Variants in NAALADL2 observed in about 807,000 individuals in gnomAD.
The protein encoded by NAALADL2 is N-acetylated alpha-linked acidic dipeptidase like 2, also known as inactive N-acetylated-alpha-linked acidic dipeptidase-like protein 2.
NAALADL2 carries 76 observed loss-of-function variants against 87.2 expected under a neutral mutation model. The observed-to-expected ratio is 0.87, with a 90% CI of 0.72 to 1.05. The LOEUF is 1.05. Among genes scored for constraint, NAALADL2 ranks in the 50% least tolerant of loss-of-function variants. NAALADL2 has a pLI of 0.00. For synonymous variants in NAALADL2, 354 were observed against 331.0 expected (o/e 1.07, Z -0.75); for missense variants, 1,089 against 945.8 (o/e 1.15, Z -1.99).
chr3:174,496,643 A>G (rs1247783556), intron 1 of NAALADL2, among the ~76,000 whole-genome samples: 1 of 151,818 alleles, frequency 6.6e-6, no homozygotes, highest in East Asian at 1.9e-4. Context: ...GAGTGTTTTA[A>G]AATCTAAAGT....
intron 3 of NAALADL2, among the ~76,000 whole-genome samples, chr3:174,817,690 T>C (rs532639662): frequency 2.8e-4 from 43 of 152,152 alleles, no homozygotes; most frequent in Non-Finnish European, 5.1e-4. Flanking sequence ...AAACAAATGC[T>C]TTCCAAAAGA....
intron 9 of NAALADL2, among the ~76,000 whole-genome samples, chr3:175,480,802 G>A (rs1020762765): frequency 2.0e-5 from 3 of 151,786 alleles, no homozygotes; most frequent in Admixed American, 6.6e-5. Context: ...AGATTCACAA[G>A]GGTGATTGAC....
chr3:175,419,397 TAAAAAATTATTATAGC>T (rs1418301884), intron 5 of NAALADL2, among the ~76,000 whole-genome samples: 2 of 151,878 alleles, frequency 1.3e-5, no homozygotes, highest in Admixed American at 1.3e-4. Flanking sequence ...AAAAATTATA[TAAAAAATTATTATAGC>T]AAAAAATTAT....
intron 4 of NAALADL2, among the ~76,000 whole-genome samples, chr3:175,318,027 A>G (rs1430723581): frequency 6.6e-6 from 1 of 152,150 alleles, no homozygotes; most frequent in Admixed American, 6.5e-5. Flanking sequence ...AAAATTATAA[A>G]GAGTTTAAAA....
At chr3:174,503,731 TTTC>T in intron 1 of NAALADL2, among the ~76,000 whole-genome samples, 1 of 152,154 alleles carries the variant, frequency 6.6e-6, no homozygotes, top group Non-Finnish European at 1.5e-5. Flanking sequence ...TTGGTAGACA[TTTC>T]ACTTGGTTGT....
At chr3:175,495,199 C>T (rs1408802974) in intron 9 of NAALADL2, among the ~76,000 whole-genome samples, 1 of 151,546 alleles carries the variant, frequency 6.6e-6, no homozygotes, top group African/African-American at 2.4e-5. Context: ...AGTGTCCAAA[C>T]ATCTTTAATT....
intron 11 of NAALADL2, chr3:175,675,907 T>C (rs566833774): frequency 3.7e-4 from 57 of 152,302 alleles, no homozygotes; most frequent in African/African-American, 1.3e-3. Context: ...AAGAATGTTG[T>C]TTTTTCATTA....
rs143343886 is a variant in NAALADL2, at chr3:174,905,114, C to G, written c.43+45664C>G. On this transcript the variant is annotated intron_variant, in intron 1 of 13. Coordinates refer to ENST00000454872, the MANE Select transcript of NAALADL2 (RefSeq NM_207015.3). ...ATTTAAAAATATAAATCGTAATGAT[C>G]AGTATTTCAAATTTGCTACATTGTA... 2.3e-3 allele frequency among the ~76,000 whole-genome samples: 353 copies of G among 151,844 alleles called. 3 individuals are homozygous for G. Among genetic ancestry groups the G allele is most frequent in the African/African-American group, 8.2e-3 (340 of 41,448 alleles).
chr3:175,751,718 A>G (rs1425382526), intron 12 of NAALADL2, among the ~76,000 whole-genome samples: 1 of 152,126 alleles, frequency 6.6e-6, no homozygotes, highest in Non-Finnish European at 1.5e-5. Flanking sequence ...TCTGAGAGAA[A>G]TATCTAATTT....
chr3:174,817,627 T>A (rs1720948298), intron 3 of NAALADL2, among the ~76,000 whole-genome samples: 3 of 152,142 alleles, frequency 2.0e-5, no homozygotes, highest in Admixed American at 2.0e-4. Context: ...TTTTAAAAAA[T>A]TTAAAAGCTC....
chr3:174,871,849 A>T (rs1727863357), intron 1 of NAALADL2, among the ~76,000 whole-genome samples: 1 of 152,176 alleles, frequency 6.6e-6, no homozygotes, highest in African/African-American at 2.4e-5. Flanking sequence ...CACTGAGCTG[A>T]GATCATGCCA....
chr3:174,771,978 G>A (rs1294217647), intron 3 of NAALADL2, among the ~76,000 whole-genome samples: 1 of 150,912 alleles, frequency 6.6e-6, no homozygotes, highest in Non-Finnish European at 1.5e-5. Flanking sequence ...CTCTAGGTAT[G>A]GGAGATACAA....
At chr3:175,383,828 G>T (rs774584139) in intron 5 of NAALADL2, among the ~76,000 whole-genome samples, 3 of 151,996 alleles carry the variant, frequency 2.0e-5, no homozygotes, top group Non-Finnish European at 2.9e-5. Flanking sequence ...TTTACTATGT[G>T]TTTATATGCA....
At chr3:175,280,739 A>G (rs1029159434) in intron 4 of NAALADL2, among the ~76,000 whole-genome samples, 2 of 152,066 alleles carry the variant, frequency 1.3e-5, no homozygotes. Context: ...ATCAAAGCTT[A>G]GCAAAGTACA....
At chr3:175,424,399 A>G (rs1056770341) in intron 5 of NAALADL2, among the ~76,000 whole-genome samples, 3 of 152,118 alleles carry the variant, frequency 2.0e-5, no homozygotes, top group African/African-American at 2.4e-5. Flanking sequence ...TAGGTCTAAC[A>G]TGTAAGTCTT....
intron 4 of NAALADL2, among the ~76,000 whole-genome samples, chr3:175,274,076 G>GT (rs1308394382): frequency 6.6e-6 from 1 of 152,062 alleles, no homozygotes; most frequent in Non-Finnish European, 1.5e-5. Context: ...AATAGGCTGG[G>GT]TAATTTATTT....
rs778694263 is a variant in NAALADL2 at position 175,358,877 on chromosome 3, A to G, written c.1090+34552A>G. Among the ~76,000 whole-genome samples, 9 of 152,254 alleles carry G rather than the reference A, an allele frequency of 5.9e-5. No individual in the cohort carries two copies. In the South Asian group the frequency reaches 8.3e-4, roughly 14 times the overall value. ...TCAATAGGTTAAAAGGTTTAGGGCCATGCCTCTGGGAAACTGGTCCTGGGA... is the reference window on the plus strand; with the variant it reads ...TCAATAGGTTAAAAGGTTTAGGGCCGTGCCTCTGGGAAACTGGTCCTGGGA... On this transcript the variant is annotated intron_variant, in intron 5 of 13. Transcript: ENST00000454872.
At chr3:175,316,371 C>T (rs1759136826) in intron 4 of NAALADL2, among the ~76,000 whole-genome samples, 1 of 152,116 alleles carries the variant, frequency 6.6e-6, no homozygotes, top group South Asian at 2.1e-4. Context: ...TCAACAGTTT[C>T]CATCAAAAGG....
chr3:175,762,447 T>C (rs1431127581), intron 13 of NAALADL2, among the ~76,000 whole-genome samples: 1 of 152,166 alleles, frequency 6.6e-6, no homozygotes, highest in Non-Finnish European at 1.5e-5. Context: ...TTTGTCTTTT[T>C]CTTCTTAAAT....
Sources: gnomAD v4.1 joint callset for allele counts (sites outside exome capture counted in the v4.1 genomes callset) on GRCh38, gnomAD v4.1.1 for gene constraint, MANE v1.5 for transcripts, NCBI Gene and HGNC (gene_info 2026-07-23, HGNC 2026-07-21) for gene names.